The following KIR2DL4 variants were observed in gnomAD, a reference collection of about 807,000 sequenced individuals.
The protein encoded by KIR2DL4 is killer cell immunoglobulin like receptor, two Ig domains and long cytoplasmic tail 4.
Under a neutral mutation model 31.0 loss-of-function variants are expected in KIR2DL4, and 41 were observed. The observed-to-expected ratio is 1.32, with a 90% confidence interval of 1.03 to 1.72. The LOEUF (loss-of-function observed/expected upper bound fraction) is 1.72. KIR2DL4 is among the 40% of genes most tolerant of loss of function. KIR2DL4 has a pLI of 0.00. For synonymous variants in KIR2DL4, 164 were observed against 133.6 expected (o/e 1.23, Z -1.57); for missense variants, 438 against 353.7 (o/e 1.24, Z -1.91).
Position 54,808,814 on chromosome 19 carries a change from C to T in KIR2DL4, c.656-19C>T, listed in dbSNP as rs2147932397. On this transcript the variant is annotated intron_variant, in intron 4 of 7. Transcript: ENST00000359085. ...CAGGCATCCTCATTGCCACACCTCT[C>T]TCCTGTCCCGTGTTCTAGGAAACCC... 4 of 1,544,728 alleles carry T rather than the reference C, an allele frequency of 2.6e-6. No individual in the cohort carries two copies. In the South Asian group the frequency reaches 4.5e-5, roughly 17 times the overall value.
intron 5 of KIR2DL4, among the ~76,000 whole-genome samples, chr19:54,809,370 C>T (rs1434025051): frequency 6.6e-6 from 1 of 150,904 alleles, no homozygotes; most frequent in Non-Finnish European, 1.5e-5. Context: ...CTTCCACTTA[C>T]TCGTTCAGCC....
intron 5 of KIR2DL4, among the ~76,000 whole-genome samples, chr19:54,812,130 C>G (rs1216309714): frequency 6.6e-6 from 1 of 151,136 alleles, no homozygotes; most frequent in South Asian, 2.1e-4. Flanking sequence ...AAACACCTCC[C>G]ATACTGCACC....
chr19:54,804,112 C>T (rs200791941), intron 2 of KIR2DL4, among the ~76,000 whole-genome samples, 186 bp downstream of exon 2: 25,029 of 144,200 alleles, frequency 0.17, 3,062 homozygotes, highest in Middle Eastern at 0.26. Context: ...AGAGGAGATC[C>T]TGGGAGTCTC....
intron 5 of KIR2DL4, among the ~76,000 whole-genome samples, chr19:54,812,105 C>T (rs2060898293): frequency 6.6e-6 from 1 of 151,276 alleles, no homozygotes; most frequent in Admixed American, 6.6e-5. Context: ...GTCCAGTCTT[C>T]CCAGAGAAGA....
chr19:54,812,638 A>T lies in KIR2DL4; in HGVS notation c.707-487A>T, dbSNP rs374052237. Among the ~76,000 whole-genome samples, 88 of 150,654 alleles carry T rather than the reference A, an allele frequency of 5.8e-4. 8 individuals are homozygous for T. In the South Asian group the frequency reaches 0.018, roughly 31 times the overall value. ...CTGGCTGCGGCCTCAGGCTGCTCCC[A>T]CACTGACAGAAGAGAAGGGGGTCCT... On this transcript the variant is annotated intron_variant, in intron 5 of 7. Transcript: ENST00000359085.
intron 4 of KIR2DL4, among the ~76,000 whole-genome samples, chr19:54,808,183 C>A (rs1440312477): frequency 6.7e-6 from 1 of 148,508 alleles, no homozygotes; most frequent in Non-Finnish European, 1.5e-5. Context: ...CTTTGCGGTG[C>A]AGAAGCTGCT....
At chr19:54,804,902 G>A in exon 3 of KIR2DL4, 1 of 1,612,232 alleles carries the variant, frequency 6.2e-7, no homozygotes, top group Non-Finnish European at 8.5e-7. Flanking sequence ...TCTTCACGCT[G>A]TACAAGAAAG....
chr19:54,814,070 A>T, exon 8 of KIR2DL4: 1 of 1,612,080 alleles, frequency 6.2e-7, no homozygotes, highest in Non-Finnish European at 8.5e-7. Context: ...CCTGTCTCAA[A>T]CCCAGCTTGC....
At chr19:54,814,293 T>A (rs2061081174) in exon 8 of KIR2DL4, 2 of 660,520 alleles carry the variant, frequency 3.0e-6, no homozygotes, top group Non-Finnish European at 5.1e-6. Context: ...ACTGGCTTAC[T>A]TCCTAGTCTA....
At position 54,806,735 on chromosome 19, in the gene KIR2DL4, C is replaced by T. The variant is rs914616370; in HGVS notation, c.655+491C>T. 3.3e-5 allele frequency among the ~76,000 whole-genome samples: 5 copies of T among 150,550 alleles called. 2 individuals are homozygous for T. The highest frequency in any genetic ancestry group is 1.2e-4 in the African/African-American group (5 of 40,526). On this transcript the variant is annotated intron_variant, in intron 4 of 7. Coordinates refer to ENST00000359085, the Ensembl canonical transcript of KIR2DL4. ...CATAAATACCTTTATATGCTGTGTG[C>T]GGTGGCTCATGCCTGTAATCTCAGC...
intron 4 of KIR2DL4, among the ~76,000 whole-genome samples, chr19:54,807,782 T>C (rs1814349764): frequency 6.7e-6 from 1 of 148,994 alleles, no homozygotes; most frequent in South Asian, 2.2e-4. Context: ...TCCTCTGTAA[T>C]GGCTGTATTA....
rs1601185027 is a variant in KIR2DL4 at position 54,809,442 on chromosome 19, C to T, written c.706+559C>T. On this transcript the variant is annotated intron_variant, in intron 5 of 7. Coordinates refer to ENST00000359085, the Ensembl canonical transcript of KIR2DL4. The stretch of plus-strand genomic sequence containing the variant: ...TTCCTATGTTGCCATAACAAATTTC[C>T]ACAAGCTTCGTGGATGGAAACCACA... Among the ~76,000 whole-genome samples, 10 of 150,874 alleles carry T rather than the reference C, an allele frequency of 6.6e-5. No homozygotes were observed. In the South Asian group the frequency reaches 2.1e-3, roughly 32 times the overall value.
At chr19:54,811,839 A>T (rs1184833113) in intron 5 of KIR2DL4, among the ~76,000 whole-genome samples, 1 of 151,152 alleles carries the variant, frequency 6.6e-6, no homozygotes, top group Non-Finnish European at 1.5e-5. Context: ...GCAACAGATG[A>T]TGGAGGGGGT....
intron 3 of KIR2DL4, 63 bp downstream of exon 3, chr19:54,805,140 G>C: frequency 1.3e-6 from 2 of 1,490,710 alleles, no homozygotes; most frequent in Non-Finnish European, 1.8e-6. Flanking sequence ...GCTTCTGGTG[G>C]GGGTGTCCAC....
chr19:54,813,392 C>T (rs2060994922), intron 6 of KIR2DL4: 4 of 1,043,634 alleles, frequency 3.8e-6, no homozygotes, highest in Non-Finnish European at 5.5e-6. Context: ...CCCCTGCCTT[C>T]AGCTCACAGA....
rs1004163265 is a variant in KIR2DL4 at position 54,805,651 on chromosome 19, T to A, written c.362-300T>A. On this transcript the variant is annotated intron_variant, in intron 3 of 7. Transcript: ENST00000359085. ...GTCAGTGTGTTCTCTCCTGCCGCCA[T>A]GTTTGTGATAATTTTCTCCAGCAAC... 2.0e-5 allele frequency among the ~76,000 whole-genome samples: 3 copies of A among 151,158 alleles called. No individual in the cohort carries two copies. In the South Asian group the frequency reaches 6.3e-4, roughly 32 times the overall value.
chr19:54,813,095 GC>G, intron 5 of KIR2DL4: 6 of 1,422,080 alleles, frequency 4.2e-6, no homozygotes, highest in African/African-American at 1.7e-5. Context: ...GCTATGGTTA[GC>G]TTCTTATTGG....
chr19:54,814,056 C>A, exon 8 of KIR2DL4: 1 of 1,612,170 alleles, frequency 6.2e-7, no homozygotes, highest in South Asian at 1.1e-5. Flanking sequence ...AGGGAGACAA[C>A]AGCCCTGTCT....
rs2061023728 is a variant in KIR2DL4, at chr19:54,813,757, C to T, written c.*41+15C>T. On this transcript the variant is annotated intron_variant, in intron 7 of 7. Transcript: ENST00000359085. ...TGAACAGGGAGGTAGGTCCTCCTAG[C>T]CCAGCCTCATGGATACAGTCTTATT... 1 of 1,611,398 alleles carries T rather than the reference C, an allele frequency of 6.2e-7. No individual in the cohort carries two copies. The highest frequency in any genetic ancestry group is 1.4e-5 in the African/African-American group (1 of 74,032).
Sources: allele counts gnomAD v4.1 joint callset (sites outside exome capture counted in the v4.1 genomes callset), GRCh38; gene constraint gnomAD v4.1.1; transcripts MANE v1.5; gene names NCBI Gene and HGNC (gene_info 2026-07-23, HGNC 2026-07-21).